Variants in LGALS8 observed in about 807,000 individuals in gnomAD.
The protein encoded by LGALS8 is galectin 8.
LGALS8 carries 30 observed loss-of-function variants against 35.9 expected under a neutral mutation model. That is an observed-to-expected ratio of 0.83 (90% CI 0.62 to 1.13). LGALS8 has a LOEUF of 1.13. LGALS8 is among the 50% of genes most tolerant of loss of function. The probability of loss-of-function intolerance (pLI) is 0.00; values close to 1 mark genes in which losing one functional copy is unlikely to be tolerated. For synonymous variants in LGALS8, 138 were observed against 136.1 expected, an observed-to-expected ratio of 1.01 and a Z score of -0.10; for missense variants, 366 against 388.7, an observed-to-expected ratio of 0.94 and a Z score of 0.49.
At chr1:236,540,418 G>C (rs1388621727) in intron 4 of LGALS8, 146 bp from the exon 5 acceptor site, 3 of 850,368 alleles carry the variant, frequency 3.5e-6, no homozygotes, top group Non-Finnish European at 5.0e-6. Context: ...GGGTGCTTTC[G>C]GTTACCATTT....
Position 236,549,707 on chromosome 1 carries a change from A to G in LGALS8, c.*1546A>G, listed in dbSNP as rs1436013125. The stretch of plus-strand genomic sequence containing the variant: ...ATCCCCCAGAGTTATTTTTCTCCAT[A>G]AAGACCATCAGAGTGCTTAACTGAG... On this transcript the variant is annotated 3_prime_UTR_variant, in exon 10 of 10. Transcript: ENST00000366584. The G allele has an allele frequency of 6.6e-6, 1 of 152,148 alleles. No homozygotes were observed. Among genetic ancestry groups the G allele is most frequent in the African/African-American group, 2.4e-5 (1 of 41,418 alleles). 9.4% of individuals were successfully genotyped at this position (152,148 alleles called of 1,614,324 possible).
chr1:236,539,279 C>T, intron 4 of LGALS8, 190 bp downstream of exon 4: 1 of 583,288 alleles, frequency 1.7e-6, no homozygotes, highest in Non-Finnish European at 3.1e-6. Flanking sequence ...TACTCTCCAG[C>T]CAGTTGTTGC....
chr1:236,544,204 C>T lies in LGALS8; in HGVS notation c.639-546C>T, dbSNP rs754296923. 5.3e-5 allele frequency among the ~76,000 whole-genome samples: 8 copies of T among 152,318 alleles called. No individual in the cohort carries two copies. In the East Asian group the frequency reaches 9.6e-4, roughly 18 times the overall value. On this transcript the variant is annotated intron_variant, in intron 8 of 9. Transcript: ENST00000366584. The stretch of plus-strand genomic sequence containing the variant: ...CTGACCTCAAGTGATCCGCCCACTT[C>T]GCCCTCCCAGTGCTGGGATTACAGG...
chr1:236,545,842 T>C (rs1261490609), intron 9 of LGALS8, among the ~76,000 whole-genome samples: 1 of 152,132 alleles, frequency 6.6e-6, no homozygotes, highest in Admixed American at 6.5e-5. Context: ...GGTTGGCTTT[T>C]CTAGATTTAG....
upstream of LGALS8, among the ~76,000 whole-genome samples, chr1:236,520,102 A>C (rs1415403286): frequency 6.6e-6 from 1 of 151,826 alleles, no homozygotes; most frequent in Non-Finnish European, 1.5e-5. Context: ...AATTACAGGC[A>C]TGCGCCACAA....
rs200946978 is a variant in LGALS8, at chr1:236,536,736, G to A, written c.46-761G>A. ...GGAGTTTCCTTCAGAGGCAGTGAGTGCTTGTCATTGTCTCCGTCAGCATTG... is the reference window on the plus strand; with the variant it reads ...GGAGTTTCCTTCAGAGGCAGTGAGTACTTGTCATTGTCTCCGTCAGCATTG... On this transcript the variant is annotated intron_variant, in intron 2 of 9. Transcript: ENST00000366584. 2.9e-3 allele frequency: 436 copies of A among 152,496 alleles called. 1 individual carries two copies. The highest frequency in any genetic ancestry group is 4.5e-3 in the Non-Finnish European group (306 of 68,138). The allele number at this position is 152,496 out of a possible 1,614,324, so 9.4% of individuals were successfully genotyped here. A position where few individuals can be genotyped will look rare whatever the true frequency, so the allele number is the denominator to read the frequency against.
chr1:236,524,662 C>G, intron 1 of LGALS8: 1 of 336,252 alleles, frequency 3.0e-6, no homozygotes, highest in South Asian at 2.3e-5. Flanking sequence ...GGACCTGTCC[C>G]TGGGGATACT....
At chr1:236,539,197 A>C in intron 4 of LGALS8, 108 bp downstream of exon 4, 3 of 884,084 alleles carry the variant, frequency 3.4e-6, no homozygotes, top group Non-Finnish European at 1.8e-6. Flanking sequence ...CCTGAGATAT[A>C]GTTTGTTTGG....
At chr1:236,543,112 T>C in intron 7 of LGALS8, 1 of 1,401,962 alleles carries the variant, frequency 7.1e-7, no homozygotes, top group South Asian at 1.2e-5. Flanking sequence ...GAGTAACCTG[T>C]ATCCACAATA....
chr1:236,539,149 CT>C, intron 4 of LGALS8, 60 bp downstream of exon 4: 1 of 1,320,838 alleles, frequency 7.6e-7, no homozygotes, highest in Non-Finnish European at 1.1e-6. Flanking sequence ...CACAGGGGTG[CT>C]TTTCACATTT....
chr1:236,533,819 C>T (rs554270260), intron 2 of LGALS8, among the ~76,000 whole-genome samples: 1 of 151,736 alleles, frequency 6.6e-6, no homozygotes, highest in Admixed American at 6.6e-5. Flanking sequence ...TACTGTAGGA[C>T]GGTTCCCATG....
rs1660996419 is a variant in LGALS8 at position 236,529,088 on chromosome 1, C to A, written c.45+2973C>A. Reference sequence around the variant, plus strand: ...CCCAGGAGTTCAAGACCAGCTTGAGCAACATAGTGAGACCTTGTCTCTCTA... The same window carrying A: ...CCCAGGAGTTCAAGACCAGCTTGAGAAACATAGTGAGACCTTGTCTCTCTA... On this transcript the variant is annotated intron_variant, in intron 2 of 9. Coordinates refer to ENST00000366584, the MANE Select transcript of LGALS8 (RefSeq NM_201544.4). 2.0e-5 allele frequency among the ~76,000 whole-genome samples: 3 copies of A among 151,404 alleles called. No individual in the cohort carries two copies. The South Asian group carries it at 6.3e-4, about 32-fold the overall frequency.
intron 6 of LGALS8, 96 bp from the exon 7 acceptor site, chr1:236,542,665 T>C (rs965030113): frequency 3.0e-6 from 4 of 1,322,608 alleles, no homozygotes; most frequent in Non-Finnish European, 4.4e-6. Context: ...CATCCCAGGC[T>C]CCGGCCAGGC....
At position 236,552,392 on chromosome 1, in the gene LGALS8, C is replaced by A. The variant is rs571596199; in HGVS notation, c.*4231C>A. On this transcript the variant is annotated 3_prime_UTR_variant, in exon 10 of 10. Transcript: ENST00000366584. ...TTATAATCTCTTCCTTTAAAAAAAA[C>A]CAATAAAATAAAATGCCGCATGCAA... 2.2e-4 allele frequency: 44 copies of A among 200,610 alleles called. No homozygotes were observed. The highest frequency in any genetic ancestry group is 8.6e-4 in the South Asian group (5 of 5,832). The allele number at this position is 200,610 out of a possible 1,614,324, so 12.4% of individuals were successfully genotyped here.
At chr1:236,539,244 A>C (rs1324844264) in intron 4 of LGALS8, 155 bp downstream of exon 4, 1 of 597,636 alleles carries the variant, frequency 1.7e-6, no homozygotes, top group Non-Finnish European at 2.9e-6. Context: ...CCAGGAAGGC[A>C]CCTAAATGTG....
intron 2 of LGALS8, among the ~76,000 whole-genome samples, chr1:236,530,175 A>T (rs1326901467): frequency 1.3e-5 from 2 of 152,362 alleles, no homozygotes; most frequent in South Asian, 4.1e-4. Context: ...CCAAGTTAAT[A>T]AGTTGCTTGT....
Position 236,530,126 on chromosome 1 carries a change from A to G in LGALS8, c.45+4011A>G, listed in dbSNP as rs183942032. On this transcript the variant is annotated intron_variant, in intron 2 of 9. Transcript: ENST00000366584. ...AGATATGATTAAATGCTAGCTGGTT[A>G]AGAAATCATTTAGAAATGAAACAGA... 6.0e-4 allele frequency among the ~76,000 whole-genome samples: 91 copies of G among 152,370 alleles called. 1 individual carries two copies. In the East Asian group the frequency reaches 0.017, roughly 28 times the overall value.
chr1:236,539,408 T>C (rs1487369297), intron 4 of LGALS8, among the ~76,000 whole-genome samples: 2 of 152,190 alleles, frequency 1.3e-5, no homozygotes, highest in East Asian at 3.9e-4. Flanking sequence ...AGTTATAATA[T>C]AACCGCCACC....
chr1:236,527,689 C>A (rs1289299483), intron 2 of LGALS8, among the ~76,000 whole-genome samples: 6 of 150,194 alleles, frequency 4.0e-5, no homozygotes, highest in African/African-American at 7.4e-5. Context: ...TTCAATGTTC[C>A]AAAAAAAAAG....
Sources: allele counts gnomAD v4.1 joint callset (sites outside exome capture counted in the v4.1 genomes callset), GRCh38; gene constraint gnomAD v4.1.1; transcripts MANE v1.5; gene names NCBI Gene and HGNC (gene_info 2026-07-23, HGNC 2026-07-21).